The following RASSF4 variants were observed in gnomAD, a reference collection of about 807,000 sequenced individuals.
The protein encoded by RASSF4 is ras association domain-containing protein 4.
In RASSF4, 38 loss-of-function variants were observed where a neutral mutation model predicts 41.1. The observed-to-expected ratio is 0.92, with a 90% CI of 0.71 to 1.21. The LOEUF (loss-of-function observed/expected upper bound fraction) is 1.21. Among genes scored for constraint, RASSF4 ranks in the 50% most tolerant of loss-of-function variants. RASSF4 has a pLI of 0.00. For synonymous variants in RASSF4, 179 were observed against 163.4 expected (o/e 1.10, Z -0.73); for missense variants, 414 against 419.4 (o/e 0.99, Z 0.11).
chr10:44,969,130 A>G (rs1179402966), intron 1 of RASSF4, among the ~76,000 whole-genome samples: 3 of 147,050 alleles, frequency 2.0e-5, no homozygotes, highest in Non-Finnish European at 3.0e-5. Context: ...GTGTGTGTGT[A>G]TGTATGTGTG....
In RASSF4 at chr10:44,975,753, G is replaced by A. The variant is rs568744707; in HGVS notation, c.138+3905G>A. Among the ~76,000 whole-genome samples, 5 of 151,310 alleles carry A rather than the reference G, an allele frequency of 3.3e-5. No individual in the cohort carries two copies. In the South Asian group the frequency reaches 6.3e-4, roughly 19 times the overall value. On this transcript the variant is annotated intron_variant, in intron 3 of 10. Transcript: ENST00000340258. ...CAAACCTGTATTCTACTGGGAGGGA[G>A]CGCCTTCCAAAGGTGCCATTGACCT...
chr10:44,966,479 A>T (rs972543036), intron 1 of RASSF4, among the ~76,000 whole-genome samples: 3 of 152,210 alleles, frequency 2.0e-5, no homozygotes, highest in African/African-American at 7.2e-5. Context: ...ATTCCTTCCC[A>T]TATGAGTCAG....
At chr10:44,964,070 C>G (rs1356696592) in intron 1 of RASSF4, among the ~76,000 whole-genome samples, 3 of 152,228 alleles carry the variant, frequency 2.0e-5, no homozygotes, top group Admixed American at 2.0e-4. Flanking sequence ...TAACTTTCCC[C>G]ACAAACACAA....
intron 8 of RASSF4, chr10:44,990,651 CA>C (rs1842075382): frequency 4.4e-6 from 1 of 224,870 alleles, no homozygotes. Flanking sequence ...CACACCTTGA[CA>C]AATTTATGTC....
chr10:44,980,954 C>G (rs1366123242), intron 3 of RASSF4: 1 of 152,148 alleles, frequency 6.6e-6, no homozygotes, highest in Non-Finnish European at 1.5e-5. Context: ...GCTCTGGTTT[C>G]TGCTTGTTTG....
intron 3 of RASSF4, chr10:44,976,432 T>A (rs1210897196): frequency 6.6e-6 from 1 of 152,326 alleles, no homozygotes; most frequent in Non-Finnish European, 1.5e-5. Context: ...GGCAGAGACC[T>A]GCCCAGGTGA....
At chr10:44,981,356 A>G (rs1244167423) in intron 3 of RASSF4, 2 of 152,366 alleles carry the variant, frequency 1.3e-5, no homozygotes, top group East Asian at 1.9e-4. Flanking sequence ...TGCAGCTGAT[A>G]TAATGTTTCA....
intron 1 of RASSF4, among the ~76,000 whole-genome samples, chr10:44,961,968 C>CT (rs2132757956): frequency 6.6e-6 from 1 of 152,284 alleles, no homozygotes; most frequent in South Asian, 2.1e-4. Flanking sequence ...CCGGGGTCTC[C>CT]TTTTCTGGCT....
At chr10:44,984,759 G>A in intron 5 of RASSF4, 54 bp from the exon 6 acceptor site, 2 of 1,597,262 alleles carry the variant, frequency 1.3e-6, no homozygotes, top group Non-Finnish European at 8.6e-7. Flanking sequence ...ACAGCAGGCA[G>A]TTGCTCTGTC....
At chr10:44,972,893 A>T (rs1841240294) in intron 3 of RASSF4, among the ~76,000 whole-genome samples, 1 of 152,148 alleles carries the variant, frequency 6.6e-6, no homozygotes, top group Admixed American at 6.5e-5. Flanking sequence ...GAGCTAGCCC[A>T]GGCATCCAGG....
At chr10:44,971,534 T>C in intron 2 of RASSF4, 1 of 663,048 alleles carries the variant, frequency 1.5e-6, no homozygotes, top group Non-Finnish European at 2.8e-6. Context: ...GACGCAGGCC[T>C]GTCCCGTGAG....
Position 44,993,301 on chromosome 10 carries a change from G to T in RASSF4, c.938G>T (p.Arg313Leu), listed in dbSNP as rs531603450. The change falls in exon 11 of 11, where the codon CGC becomes CTC. Residue 313 changes from arginine (R) to leucine (L), a missense_variant. Arg to Leu is a moderately radical substitution (Grantham distance 102). Transcript: ENST00000340258. ...FQALRLTMLQ[R>L]LEQLVEAK ...GCCCTGCGTCTGACGATGCTGCAGC[G>T]CCTGGAGCAGCTGGTGGAGGCCAAG... The T allele has an allele frequency of 1.2e-6, 2 of 1,607,480 alleles. No individual in the cohort carries two copies. The highest frequency in any genetic ancestry group is 2.2e-5 in the East Asian group (1 of 44,830).
At chr10:44,960,367 G>A (rs1054849463) in intron 1 of RASSF4, among the ~76,000 whole-genome samples, 11 of 152,196 alleles carry the variant, frequency 7.2e-5, no homozygotes, top group African/African-American at 1.9e-4. Context: ...TCCTACTTTC[G>A]TTATCCCCTT....
intron 6 of RASSF4, among the ~76,000 whole-genome samples, chr10:44,987,396 CCT>C (rs1320011061): frequency 6.6e-6 from 1 of 152,086 alleles, no homozygotes; most frequent in Non-Finnish European, 1.5e-5. Context: ...TGCACCTGGC[CCT>C]CTCTTCCATA....
intron 3 of RASSF4, among the ~76,000 whole-genome samples, chr10:44,978,381 T>TC (rs1841545272): frequency 1.3e-5 from 2 of 152,138 alleles, no homozygotes. Flanking sequence ...CAAGGCCACC[T>TC]CTCCAGGCCT....
intron 3 of RASSF4, among the ~76,000 whole-genome samples, chr10:44,973,566 C>T (rs146154022): frequency 8.7e-4 from 132 of 152,370 alleles, no homozygotes; most frequent in African/African-American, 2.5e-3. Context: ...ATTCCTACCA[C>T]GCCCCTCTCC....
chr10:44,977,990 G>A (rs760771806), intron 3 of RASSF4: 4 of 1,611,572 alleles, frequency 2.5e-6, no homozygotes, highest in South Asian at 2.2e-5. Context: ...CTCCCGAATT[G>A]TGGGCAGATG....
intron 1 of RASSF4, among the ~76,000 whole-genome samples, chr10:44,965,347 G>A (rs2132762118): frequency 6.6e-6 from 1 of 152,298 alleles, no homozygotes; most frequent in Admixed American, 6.5e-5. Flanking sequence ...CCTGGATGTG[G>A]GGAAAGATCT....
intron 1 of RASSF4, among the ~76,000 whole-genome samples, chr10:44,967,698 C>T (rs1840959084): frequency 6.6e-6 from 1 of 152,184 alleles, no homozygotes; most frequent in Non-Finnish European, 1.5e-5. Flanking sequence ...ATTTAACAAC[C>T]ATGTATGGAC....
Sources: gnomAD v4.1 joint callset for allele counts (sites outside exome capture counted in the v4.1 genomes callset) on GRCh38, gnomAD v4.1.1 for gene constraint, MANE v1.5 for transcripts, NCBI Gene and HGNC (gene_info 2026-07-23, HGNC 2026-07-21) for gene names.